DAGLB: variants seen among roughly 807,000 people sequenced by gnomAD.
DAGLB encodes the protein diacylglycerol lipase-beta.
A neutral mutation model predicts 72.1 loss-of-function variants in DAGLB; 66 were observed. The ratio of observed to expected loss-of-function variants is 0.92; its 90% CI spans 0.75 to 1.12. The LOEUF is 1.12. DAGLB is among the 50% of genes most tolerant of loss of function. The pLI is 0.00. For synonymous variants in DAGLB, 414 were observed against 359.5 expected (o/e 1.15, Z -1.71); for missense variants, 1,065 against 884.9 (o/e 1.20, Z -2.58).
intron 6 of DAGLB, among the ~76,000 whole-genome samples, chr7:6,427,856 C>T (rs111338898): frequency 4.7e-4 from 72 of 152,264 alleles, no homozygotes; most frequent in African/African-American, 1.6e-3. Context: ...ACACTGGAGC[C>T]AGTCTGCAGG....
At chr7:6,418,349 G>A (rs1162605376) in intron 9 of DAGLB, among the ~76,000 whole-genome samples, 3 of 151,728 alleles carry the variant, frequency 2.0e-5, no homozygotes, top group Non-Finnish European at 4.4e-5. Context: ...AGCCTGGGTG[G>A]CACAGTGAGA....
At chr7:6,435,133 G>C in intron 3 of DAGLB, 113 bp from the exon 4 acceptor site, 2 of 1,465,484 alleles carry the variant, frequency 1.4e-6, no homozygotes, top group Non-Finnish European at 1.8e-6. Context: ...GGAGGGTTCT[G>C]TTACCGAGGA....
At chr7:6,429,993 G>A (rs1041007095) in intron 6 of DAGLB, among the ~76,000 whole-genome samples, 17 of 151,538 alleles carry the variant, frequency 1.1e-4, no homozygotes, top group Non-Finnish European at 5.9e-5. Flanking sequence ...GCAGTGAGCC[G>A]AGATTGTGCC....
At chr7:6,440,973 A>AG (rs371231944) in intron 2 of DAGLB, among the ~76,000 whole-genome samples, 47 of 149,488 alleles carry the variant, frequency 3.1e-4, no homozygotes, top group African/African-American at 1.1e-3. Flanking sequence ...TTTTTTTTTG[A>AG]GGGGGGGACG....
chr7:6,437,193 G>A (rs56042557), intron 2 of DAGLB, among the ~76,000 whole-genome samples: 1,516 of 127,252 alleles, frequency 0.012, 20 homozygotes, highest in African/African-American at 0.049. Flanking sequence ...AATAATAATA[G>A]TAATAATTAT....
At position 6,415,670 on chromosome 7, in the gene DAGLB, C is replaced by T. The variant is rs183722017; in HGVS notation, c.1427+957G>A. ...CCATCCTGGCTAACACGGTGAAACC[C>T]GTCTCTACTAAAAAAATACAAAAAA... On this transcript the variant is annotated intron_variant, in intron 11 of 14. Coordinates refer to ENST00000297056, the MANE Select transcript of DAGLB (RefSeq NM_139179.4). Among the ~76,000 whole-genome samples, 13 of 151,292 alleles carry T rather than the reference C, an allele frequency of 8.6e-5. No individual in the cohort carries two copies. The East Asian group carries it at 2.4e-3, about 27-fold the overall frequency.
In DAGLB at chr7:6,416,916, A is replaced by G. The variant is rs1417808613; in HGVS notation, c.1224T>C (p.Ile408=). ...GGTAAACGTATCTGGCAGCTTGAGAAATACCCTAAAAACACAGACAAAGAA... is the reference window on the plus strand; with the variant it reads ...GGTAAACGTATCTGGCAGCTTGAGAGATACCCTAAAAACACAGACAAAGAA... The part of the protein sequence containing the change: ...EVQDRLAHKG[I]SQAARYVYQR... Residue 408 remains isoleucine (I), a synonymous_variant, in exon 10 of 15, where the codon ATT becomes ATC. Coordinates refer to ENST00000297056, the MANE Select transcript of DAGLB (RefSeq NM_139179.4). 6.2e-7 allele frequency: 1 copy of G among 1,614,194 alleles called. No homozygotes were observed. The highest frequency in any genetic ancestry group is 8.5e-7 in the Non-Finnish European group (1 of 1,180,032).
chr7:6,415,926 A>C (rs1783895992), intron 11 of DAGLB, among the ~76,000 whole-genome samples: 1 of 151,916 alleles, frequency 6.6e-6, no homozygotes, highest in South Asian at 2.1e-4. Flanking sequence ...CACCCAGGGC[A>C]TATGCCCCCC....
At position 6,432,834 on chromosome 7, in the gene DAGLB, C is replaced by T; in HGVS notation, c.801+3G>A. On this transcript the variant is annotated splice_donor_region_variant and intron_variant, in intron 5 of 14. Transcript: ENST00000297056. The stretch of plus-strand genomic sequence containing the variant: ...ACTGGACACTCCATGAAGCCAGGCT[C>T]ACCTGGGAGCTCCCTGGGGCATGGC... 6.2e-7 allele frequency: 1 copy of T among 1,613,262 alleles called. No homozygotes were observed. Among genetic ancestry groups the T allele is most frequent in the East Asian group, 2.2e-5 (1 of 44,860 alleles).
At chr7:6,444,559 G>A (rs1484341393) in intron 2 of DAGLB, among the ~76,000 whole-genome samples, 2 of 152,262 alleles carry the variant, frequency 1.3e-5, no homozygotes, top group African/African-American at 2.4e-5. Flanking sequence ...CAGAGAGCAC[G>A]CCACTGCACT....
intron 13 of DAGLB, 25 bp from the exon 14 acceptor site, chr7:6,410,405 A>C (rs1377391144): frequency 6.3e-7 from 1 of 1,578,942 alleles, no homozygotes; most frequent in Non-Finnish European, 8.6e-7. Context: ...CAATCAGTAG[A>C]ATGCTGTCAC....
intron 2 of DAGLB, among the ~76,000 whole-genome samples, chr7:6,437,673 G>A (rs1784708296): frequency 6.6e-6 from 1 of 151,230 alleles, no homozygotes; most frequent in Non-Finnish European, 1.5e-5. Context: ...TTTTTAGATG[G>A]AGTCTCACTC....
rs1412093066 is a variant in DAGLB at position 6,439,377 on chromosome 7, AC to A, written c.248-2845del. 4.7e-3 allele frequency among the ~76,000 whole-genome samples: 716 copies of A among 152,308 alleles called. 2 individuals are homozygous for A. Among genetic ancestry groups the A allele is most frequent in the African/African-American group, 0.017 (693 of 41,576 alleles). On this transcript the variant is annotated intron_variant, in intron 2 of 14. Coordinates refer to ENST00000297056, the MANE Select transcript of DAGLB (RefSeq NM_139179.4). ...GCTTCCTAAGGTCGCTGGCCCCATA[AC>A]CGACAAGCACAGCTGCATTCCTAAA...
rs551137447 is a variant in DAGLB at position 6,447,829 on chromosome 7, A to C, written c.14T>G (p.Val5Gly). The C allele has an allele frequency of 6.2e-7, 1 of 1,612,228 alleles. No homozygotes were observed. The highest frequency in any genetic ancestry group is 1.1e-5 in the South Asian group (1 of 90,766). MPGM[V>G]LFGRRWAIAS... ...GATGGCCCAGCGCCGGCCGAAGAGT[A>C]CCATCCCCGGCATGGCGAAGGTCCC... The change falls in exon 1 of 15, where the codon GTA (valine) becomes GGA (glycine). Residue 5 changes from valine (V) to glycine (G), a missense_variant. Val to Gly is a moderately radical substitution (Grantham distance 109). Coordinates refer to ENST00000297056, the MANE Select transcript of DAGLB (RefSeq NM_139179.4).
chr7:6,430,528 T>C lies in DAGLB; in HGVS notation c.881A>G (p.Tyr294Cys). 2 of 1,601,614 alleles carry C rather than the reference T, an allele frequency of 1.2e-6. No homozygotes were observed. Among genetic ancestry groups the C allele is most frequent in the Non-Finnish European group, 1.7e-6 (2 of 1,171,790 alleles). The change falls in exon 6 of 15, where the codon TAC becomes TGC. Residue 294 changes from tyrosine (Y) to cysteine (C), a missense_variant. Transcript: ENST00000297056. ...CCCCGTGAGGGGGTTTCTGTAGATG[T>C]AGAGGGGCCACCCATAGGCCGCTGC... ...FAAAAYGWPL[Y>C]IYRNPLTGLC... is the part of the protein sequence containing the mutation.
At chr7:6,413,926 A>G (rs944487803) in intron 11 of DAGLB, among the ~76,000 whole-genome samples, 7 of 152,236 alleles carry the variant, frequency 4.6e-5, no homozygotes, top group African/African-American at 1.7e-4. Flanking sequence ...ACAGGAGGAG[A>G]GGAACACAGA....
Position 6,430,515 on chromosome 7 carries a change from G to A in DAGLB, c.894C>T (p.Asn298=), listed in dbSNP as rs1784451937. 6.3e-7 allele frequency: 1 copy of A among 1,599,208 alleles called. No homozygotes were observed. Among genetic ancestry groups the A allele is most frequent in the Non-Finnish European group, 8.5e-7 (1 of 1,170,178 alleles). The change falls in exon 6 of 15, where the codon AAC becomes AAT. Residue 298 remains asparagine (N), a synonymous_variant. Coordinates refer to ENST00000297056, the MANE Select transcript of DAGLB (RefSeq NM_139179.4). ...CAATCCTGCACAGCCCCGTGAGGGG[G>A]TTTCTGTAGATGTAGAGGGGCCACC... ...AYGWPLYIYR[N]PLTGLCRIGG... is the part of the protein sequence containing the mutation.
At chr7:6,417,533 A>G (rs1783960141) in intron 9 of DAGLB, 1 of 152,370 alleles carries the variant, frequency 6.6e-6, no homozygotes, top group African/African-American at 2.4e-5. Flanking sequence ...AATTTACTTC[A>G]GCCAAGTTCC....
intron 11 of DAGLB, among the ~76,000 whole-genome samples, chr7:6,414,052 C>G (rs1165950815): frequency 5.3e-5 from 8 of 152,126 alleles, no homozygotes; most frequent in Non-Finnish European, 1.5e-5. Context: ...GCTCTGTCTC[C>G]CAGGCTGGAG....
Sources: gnomAD v4.1 joint callset for allele counts (sites outside exome capture counted in the v4.1 genomes callset) on GRCh38, gnomAD v4.1.1 for gene constraint, MANE v1.5 for transcripts, NCBI Gene and HGNC (gene_info 2026-07-23, HGNC 2026-07-21) for gene names.